The following WNK1 variants were observed in gnomAD, a reference collection of about 807,000 sequenced individuals.
WNK1 encodes the protein WNK lysine deficient protein kinase 1.
In WNK1, 38 loss-of-function variants were observed where a neutral mutation model predicts 222.8. The ratio of observed to expected loss-of-function variants is 0.17; its 90% CI spans 0.13 to 0.22. WNK1 has a LOEUF of 0.22. WNK1 is among the 10% of genes least tolerant of loss of function. The probability of loss-of-function intolerance (pLI) is 1.00; values close to 1 mark genes in which losing one functional copy is unlikely to be tolerated. For synonymous variants in WNK1, 1,090 were observed against 1,092.9 expected (o/e 1.00, Z 0.05); for missense variants, 2,348 against 2,918.4 (o/e 0.80, Z 4.50).
chr12:752,698 T>G lies in WNK1; in HGVS notation c.-868T>G, dbSNP rs1232066567. 1.3e-5 allele frequency: 2 copies of G among 152,342 alleles called. No homozygotes were observed. Among genetic ancestry groups the G allele is most frequent in the Non-Finnish European group, 2.9e-5 (2 of 68,198 alleles). 9.4% of individuals were successfully genotyped at this position (152,342 alleles called of 1,614,324 possible). A position where few individuals can be genotyped will look rare whatever the true frequency, so the allele number is the denominator to read the frequency against. ...CCTGGTGGGGGTGGCTGCTCTTTTC[T>G]CTCCCTGTTCCCCCTCACCCAGTCC... On this transcript the variant is annotated 5_prime_UTR_variant, in exon 1 of 28. Transcript: ENST00000315939.
At chr12:788,952 C>T (rs1199878569) in intron 1 of WNK1, among the ~76,000 whole-genome samples, 1 of 152,046 alleles carries the variant, frequency 6.6e-6, no homozygotes, top group Non-Finnish European at 1.5e-5. Context: ...ATAGTTTAGA[C>T]TTTAACCTTT....
At chr12:813,042 A>T (rs956237884) in intron 1 of WNK1, among the ~76,000 whole-genome samples, 4 of 152,130 alleles carry the variant, frequency 2.6e-5, no homozygotes, top group African/African-American at 7.2e-5. Context: ...AAGACCAGCC[A>T]GTGCATCATA....
rs1318547190 is a variant in WNK1 at position 859,593 on chromosome 12, A to G, written c.1620+129A>G. ...ATTGACATAAAATTGTGATGGCCCT[A>G]AAAGTTATCTTTGATTAGTGGGATT... On this transcript the variant is annotated intron_variant, in intron 6 of 27. Coordinates refer to ENST00000315939, the MANE Select transcript of WNK1 (RefSeq NM_018979.4). The G allele has an allele frequency of 1.1e-5, 7 of 628,916 alleles. No individual in the cohort carries two copies. The East Asian group carries it at 2.1e-4, about 19-fold the overall frequency. The allele number at this position is 628,916 out of a possible 1,614,324, so 39.0% of individuals were successfully genotyped here. A position where few individuals can be genotyped will look rare whatever the true frequency, so the allele number is the denominator to read the frequency against.
At chr12:767,568 C>T (rs944911916) in intron 1 of WNK1, among the ~76,000 whole-genome samples, 3 of 151,984 alleles carry the variant, frequency 2.0e-5, no homozygotes, top group Admixed American at 6.6e-5. Flanking sequence ...TAGGGGTTTT[C>T]AGCCTTACCT....
intron 8 of WNK1, among the ~76,000 whole-genome samples, chr12:866,165 T>A (rs562593040): frequency 7.2e-5 from 11 of 152,334 alleles, no homozygotes; most frequent in African/African-American, 2.6e-4. Context: ...CTATACAGTG[T>A]TATTATGGCT....
chr12:774,016 C>G (rs1942835541), intron 1 of WNK1, among the ~76,000 whole-genome samples: 1 of 152,062 alleles, frequency 6.6e-6, no homozygotes, highest in South Asian at 2.1e-4. Flanking sequence ...ATTGAGATGG[C>G]CATTATTTCC....
At chr12:890,558 A>T (rs1326746776) in intron 22 of WNK1, 45 bp downstream of exon 22, 1 of 1,603,482 alleles carries the variant, frequency 6.2e-7, no homozygotes, top group Non-Finnish European at 8.5e-7. Context: ...TTCCAGCCCT[A>T]CCCGTAGTTG....
intron 19 of WNK1, among the ~76,000 whole-genome samples, chr12:886,452 A>C (rs12307108): frequency 0.04 from 6,116 of 152,306 alleles, 227 homozygotes; most frequent in Admixed American, 0.1. Flanking sequence ...TCTTTGTTTC[A>C]GTGAGAATGA....
chr12:784,940 A>G (rs1055848682), intron 1 of WNK1, among the ~76,000 whole-genome samples: 4 of 152,182 alleles, frequency 2.6e-5, no homozygotes, highest in African/African-American at 4.8e-5. Flanking sequence ...AGATAAATGT[A>G]TTTTTGAGAA....
rs756976875 is a variant in WNK1, at chr12:896,671, G to C, written c.6184G>C (p.Asp2062His). The C allele has an allele frequency of 6.2e-7, 1 of 1,609,352 alleles. No individual in the cohort carries two copies. The highest frequency in any genetic ancestry group is 8.5e-7 in the Non-Finnish European group (1 of 1,179,036). Residue 2062 changes from aspartate (D) to histidine (H), a missense_variant, in exon 24 of 28, where the codon GAC (aspartate) becomes CAC (histidine). Coordinates refer to ENST00000315939, the MANE Select transcript of WNK1 (RefSeq NM_018979.4). Reference sequence around the variant, plus strand: ...ATTTAACTCCTCTTACATGAGTAGCGACAATGAGTCAGATATCGAAGATGA... The same window carrying C: ...ATTTAACTCCTCTTACATGAGTAGCCACAATGAGTCAGATATCGAAGATGA... ...NSFNSSYMSS[D>H]NESDIEDEDL...
chr12:869,805 G>A (rs930308549), intron 8 of WNK1, among the ~76,000 whole-genome samples: 1 of 151,528 alleles, frequency 6.6e-6, no homozygotes, highest in Non-Finnish European at 1.5e-5. Flanking sequence ...AATCTAGTGA[G>A]TGGTGGGCTT....
At chr12:901,732 T>G in intron 26 of WNK1, 1 of 791,998 alleles carries the variant, frequency 1.3e-6, no homozygotes, top group South Asian at 1.6e-5. Flanking sequence ...CCATTTTCAT[T>G]TGTCTCTTTT....
At chr12:780,431 CAGTT>C (rs1489070694) in intron 1 of WNK1, among the ~76,000 whole-genome samples, 1 of 152,144 alleles carries the variant, frequency 6.6e-6, no homozygotes, top group Non-Finnish European at 1.5e-5. Context: ...GTTATGGCCA[CAGTT>C]AGGCATTCCC....
rs114507492 is a variant in WNK1, at chr12:788,492, G to A, written c.760-25150G>A. 2.6e-3 allele frequency among the ~76,000 whole-genome samples: 396 copies of A among 152,324 alleles called. 2 individuals carry two copies. Among genetic ancestry groups the A allele is most frequent in the African/African-American group, 8.8e-3 (364 of 41,580 alleles). The stretch of plus-strand genomic sequence containing the variant: ...TTGTTGACTTAAGTGAGAAAGGCCT[G>A]TAATGCCAGTACCGGAAATGATTGT... On this transcript the variant is annotated intron_variant, in intron 1 of 27. Transcript: ENST00000315939.
intron 9 of WNK1, among the ~76,000 whole-genome samples, chr12:876,118 A>G (rs1018630594): frequency 2.0e-5 from 3 of 152,170 alleles, no homozygotes; most frequent in African/African-American, 7.2e-5. Context: ...ATAAGAATAC[A>G]TTATCAGAGG....
At chr12:754,420 T>G in intron 1 of WNK1, 96 bp downstream of exon 1, 10 of 1,525,954 alleles carry the variant, frequency 6.6e-6, no homozygotes, top group Non-Finnish European at 8.1e-6. Flanking sequence ...TGGCATTCTC[T>G]GTTGGACTCC....
intron 21 of WNK1, among the ~76,000 whole-genome samples, chr12:890,143 G>C (rs930190980): frequency 6.6e-6 from 1 of 151,616 alleles, no homozygotes; most frequent in South Asian, 2.1e-4. Context: ...ATTAGAGGCG[G>C]GGTTTCGCCA....
At chr12:900,142 C>T (rs757331783) in intron 25 of WNK1, among the ~76,000 whole-genome samples, 74 of 151,460 alleles carry the variant, frequency 4.9e-4, no homozygotes, top group Admixed American at 3.7e-3. Context: ...CCCTCCACCA[C>T]GCCTGGCTAA....
chr12:797,437 A>G (rs1239613164), intron 1 of WNK1, among the ~76,000 whole-genome samples: 1 of 152,236 alleles, frequency 6.6e-6, no homozygotes, highest in East Asian at 1.9e-4. Context: ...AAGTTTTATA[A>G]AAAGGTAGAT....
Sources: allele counts gnomAD v4.1 joint callset (sites outside exome capture counted in the v4.1 genomes callset), GRCh38; gene constraint gnomAD v4.1.1; transcripts MANE v1.5; gene names NCBI Gene and HGNC (gene_info 2026-07-23, HGNC 2026-07-21).